The following ST8SIA6 variants were observed in gnomAD, a reference collection of about 807,000 sequenced individuals.
ST8SIA6 encodes alpha-2,8-sialyltransferase 8F.
A neutral mutation model predicts 33.6 loss-of-function variants in ST8SIA6; 39 were observed. The ratio of observed to expected loss-of-function variants is 1.16; its 90% CI spans 0.90 to 1.52. The LOEUF is 1.52. Ranked by LOEUF, ST8SIA6 falls within the 40% of genes most tolerant of loss-of-function variation. ST8SIA6 has a pLI of 0.00. For missense variants in ST8SIA6, 441 were observed against 443.8 expected (o/e 0.99, Z 0.06); for synonymous variants, 172 against 167.2 (o/e 1.03, Z -0.22).
chr10:17,347,913 G>A (rs565099072), intron 4 of ST8SIA6, among the ~76,000 whole-genome samples: 27 of 135,006 alleles, frequency 2.0e-4, no homozygotes, highest in African/African-American at 7.4e-4. Context: ...CCGAGATTGC[G>A]CCACTGCATT....
chr10:17,357,153 A>G (rs1041655967), intron 4 of ST8SIA6, among the ~76,000 whole-genome samples: 23 of 150,312 alleles, frequency 1.5e-4, no homozygotes, highest in Non-Finnish European at 3.0e-5. Flanking sequence ...TTCTTTTGAG[A>G]CGGAGTCTCT....
At chr10:17,438,188 G>C (rs902773484) in intron 2 of ST8SIA6, among the ~76,000 whole-genome samples, 4 of 152,178 alleles carry the variant, frequency 2.6e-5, no homozygotes, top group Non-Finnish European at 5.9e-5. Context: ...GTTTAGAAAG[G>C]GTTTTTTCCC....
chr10:17,340,175 C>G (rs2131595773), intron 4 of ST8SIA6, among the ~76,000 whole-genome samples: 1 of 152,280 alleles, frequency 6.6e-6, no homozygotes, highest in South Asian at 2.1e-4. Flanking sequence ...TAAAGTTTAA[C>G]TTCCTCGTTC....
chr10:17,371,137 T>C (rs535237110), intron 3 of ST8SIA6, among the ~76,000 whole-genome samples: 1 of 152,272 alleles, frequency 6.6e-6, no homozygotes, highest in East Asian at 1.9e-4. Flanking sequence ...CAAGGATAAC[T>C]TCAAAGTTTC....
intron 4 of ST8SIA6, among the ~76,000 whole-genome samples, chr10:17,358,007 CA>C (rs1301495840): frequency 6.6e-6 from 1 of 152,202 alleles, no homozygotes; most frequent in Non-Finnish European, 1.5e-5. Flanking sequence ...CAGGACCTCT[CA>C]AATCCAGTCT....
intron 2 of ST8SIA6, among the ~76,000 whole-genome samples, chr10:17,424,040 C>T (rs1851859486): frequency 6.6e-6 from 1 of 152,168 alleles, no homozygotes; most frequent in African/African-American, 2.4e-5. Flanking sequence ...GCAACATTCT[C>T]TCCATCACCC....
chr10:17,371,807 A>G (rs1261295627), intron 3 of ST8SIA6, among the ~76,000 whole-genome samples: 1 of 149,172 alleles, frequency 6.7e-6, no homozygotes, highest in Non-Finnish European at 1.5e-5. Flanking sequence ...AAAAAAAGAA[A>G]GAAAGTAAAA....
intron 2 of ST8SIA6, chr10:17,413,208 T>C (rs1353298147): frequency 6.6e-6 from 1 of 152,130 alleles, no homozygotes; most frequent in Non-Finnish European, 1.5e-5. Flanking sequence ...CTGTGGGCTT[T>C]TTCCTTGGGC....
intron 3 of ST8SIA6, among the ~76,000 whole-genome samples, chr10:17,381,168 A>G (rs1161527061): frequency 6.6e-6 from 1 of 152,098 alleles, no homozygotes; most frequent in Non-Finnish European, 1.5e-5. Flanking sequence ...ATAAAAATGA[A>G]AGTGTCTCCC....
chr10:17,353,427 A>C (rs1226932411), intron 4 of ST8SIA6, among the ~76,000 whole-genome samples: 6 of 152,188 alleles, frequency 3.9e-5, no homozygotes, highest in African/African-American at 1.4e-4. Context: ...AACAATTAAC[A>C]TAGGTGGTAG....
intron 2 of ST8SIA6, among the ~76,000 whole-genome samples, chr10:17,397,232 T>TG (rs1491507269): frequency 2.1e-5 from 2 of 93,316 alleles, no homozygotes; most frequent in East Asian, 2.7e-4. Context: ...AATTGTTTTT[T>TG]GTTTTTTTTT....
intron 4 of ST8SIA6, among the ~76,000 whole-genome samples, chr10:17,347,711 G>A (rs1316009376): frequency 6.6e-6 from 1 of 152,092 alleles, no homozygotes; most frequent in African/African-American, 2.4e-5. Flanking sequence ...CAAAGCGGGT[G>A]GATCACGAGG....
At chr10:17,402,373 A>G (rs183760986) in intron 2 of ST8SIA6, among the ~76,000 whole-genome samples, 14 of 152,324 alleles carry the variant, frequency 9.2e-5, no homozygotes, top group African/African-American at 3.1e-4. Context: ...CAGTGTGGCA[A>G]TTCCTTAAGG....
intron 2 of ST8SIA6, among the ~76,000 whole-genome samples, chr10:17,421,684 T>C (rs1851784544): frequency 1.3e-5 from 2 of 152,162 alleles, no homozygotes; most frequent in South Asian, 4.2e-4. Context: ...TGCCTCAGCC[T>C]CCCCACTAGC....
intron 3 of ST8SIA6, among the ~76,000 whole-genome samples, chr10:17,360,792 G>A (rs919420610): frequency 6.6e-6 from 1 of 151,848 alleles, no homozygotes; most frequent in African/African-American, 2.4e-5. Flanking sequence ...ACAGCAAGAT[G>A]GCAGATTTAG....
At chr10:17,377,672 TA>T (rs1328637604) in intron 3 of ST8SIA6, among the ~76,000 whole-genome samples, 2 of 152,150 alleles carry the variant, frequency 1.3e-5, no homozygotes, top group African/African-American at 4.8e-5. Context: ...TAGTTAAGAC[TA>T]GGGGAGAAAA....
chr10:17,334,569 A>T (rs71491136), intron 4 of ST8SIA6, among the ~76,000 whole-genome samples: 46,729 of 121,012 alleles, frequency 0.39, 8,561 homozygotes, highest in African/African-American at 0.56. Flanking sequence ...TTATTATTAT[A>T]ATAATAAAAT....
rs930542048 is a variant in ST8SIA6, at chr10:17,417,453, C to G, written c.201-26833G>C. ...CCTGTTAGTGCTTCAGGTCTTAACT[C>G]GAATGTCAACCCCTCAGAGTGACTT... On this transcript the variant is annotated intron_variant, in intron 2 of 7. Transcript: ENST00000377602. Among the ~76,000 whole-genome samples, 6 of 152,068 alleles carry G rather than the reference C, an allele frequency of 3.9e-5. No homozygotes were observed. The East Asian group carries it at 1.2e-3, about 29-fold the overall frequency.
At chr10:17,386,361 A>G (rs1400220765) in intron 3 of ST8SIA6, among the ~76,000 whole-genome samples, 2 of 151,892 alleles carry the variant, frequency 1.3e-5, no homozygotes, top group African/African-American at 4.8e-5. Flanking sequence ...CAATATGGTG[A>G]AACCCTGCCT....
Sources: gnomAD v4.1 joint callset for allele counts (sites outside exome capture counted in the v4.1 genomes callset) on GRCh38, gnomAD v4.1.1 for gene constraint, MANE v1.5 for transcripts, NCBI Gene and HGNC (gene_info 2026-07-23, HGNC 2026-07-21) for gene names.